The following NOL12 variants were observed in gnomAD, a reference collection of about 807,000 sequenced individuals.
NOL12 encodes the protein nucleolar protein 12.
In NOL12, 21 loss-of-function variants were observed where a neutral mutation model predicts 25.2. The observed-to-expected ratio is 0.83, with a 90% CI of 0.59 to 1.20. The LOEUF (loss-of-function observed/expected upper bound fraction) is 1.20, where lower values mean the gene tolerates loss of function less well. NOL12 is among the 50% of genes most tolerant of loss of function. NOL12 has a pLI of 0.00. For synonymous variants in NOL12, 133 were observed against 113.8 expected (o/e 1.17, Z -1.08); for missense variants, 286 against 287.6 (o/e 0.99, Z 0.04).
chr22:37,687,097 A>G lies in NOL12; in HGVS notation c.83+622A>G, dbSNP rs537131912. 2.1e-4 allele frequency: 211 copies of G among 985,390 alleles called. 1 individual carries two copies. The African/African-American group carries it at 3.4e-3, about 16-fold the overall frequency. 61.0% of individuals were successfully genotyped at this position (985,390 alleles called of 1,614,324 possible). On this transcript the variant is annotated intron_variant, in intron 1 of 5. Transcript: ENST00000359114. Reference sequence around the variant, plus strand: ...ATCAGGAAACTCCTAGCGTGCATCAACAGGCCCTACAGGCGAGTTTAGGGT... The same window carrying G: ...ATCAGGAAACTCCTAGCGTGCATCAGCAGGCCCTACAGGCGAGTTTAGGGT...
rs371218673 is a variant in NOL12 at position 37,686,399 on chromosome 22, C to G, written c.7C>G (p.Arg3Gly). 99 of 1,602,892 alleles carry G rather than the reference C, an allele frequency of 6.2e-5. No homozygotes were observed. Among genetic ancestry groups the G allele is most frequent in the Non-Finnish European group, 8.1e-5 (95 of 1,176,104 alleles). The part of the protein sequence containing the change: MG[R>G]NKKKKRDGDD... ...AGCCGGCGGCCTCACTGCTATGGGC[C>G]GCAACAAGAAGAAGAAGCGAGATGG... The change falls in exon 1 of 6, where the codon CGC becomes GGC. Residue 3 changes from arginine (R) to glycine (G), a missense_variant. Coordinates refer to ENST00000359114, the MANE Select transcript of NOL12 (RefSeq NM_024313.3).
At chr22:37,689,563 G>A (rs1241649740) in intron 4 of NOL12, among the ~76,000 whole-genome samples, 3 of 152,224 alleles carry the variant, frequency 2.0e-5, no homozygotes, top group African/African-American at 4.8e-5. Flanking sequence ...GAAAATATCC[G>A]AAAGTGTCAT....
At position 37,691,201 on chromosome 22, in the gene NOL12, T is replaced by C; in HGVS notation, c.507T>C (p.His169=). ...TCTCCTCCCTCACAGCATCACTACA[T>C]GCACACAGCCGCAAAAAGGTCAAGA... ...QRISSLTASL[H]AHSRKKVKRK... is the part of the protein sequence containing the mutation. Residue 169 remains histidine (H), a synonymous_variant, in exon 6 of 6, where the codon CAT becomes CAC. Transcript: ENST00000359114. 1.9e-6 allele frequency: 3 copies of C among 1,613,596 alleles called. No individual in the cohort carries two copies. The highest frequency in any genetic ancestry group is 1.3e-5 in the African/African-American group (1 of 75,006).
rs755774102 is a variant in NOL12, at chr22:37,691,179, C to T, written c.485C>T (p.Ser162Phe). ...GGCTTTCTGCCCTCCCCTAGGATCT[C>T]CTCCCTCACAGCATCACTACATGCA... is the stretch of plus-strand genomic sequence containing the variant. Reference protein sequence around the residue: ...SRDPLLSQRISSLTASLHAHS... With the variant: ...SRDPLLSQRIFSLTASLHAHS... The change falls in exon 6 of 6, where the codon TCC becomes TTC. Residue 162 changes from serine (S) to phenylalanine (F), a missense_variant. Ser to Phe is a radical substitution (Grantham distance 155). Transcript: ENST00000359114. The T allele has an allele frequency of 6.2e-7, 1 of 1,608,720 alleles. No individual in the cohort carries two copies. Among genetic ancestry groups the T allele is most frequent in the Non-Finnish European group, 8.5e-7 (1 of 1,176,780 alleles).
Position 37,688,907 on chromosome 22 carries a change from A to G in NOL12, c.296A>G (p.Asp99Gly). 2.5e-6 allele frequency: 4 copies of G among 1,613,824 alleles called. No homozygotes were observed. The highest frequency in any genetic ancestry group is 3.4e-6 in the Non-Finnish European group (4 of 1,179,962). Residue 99 changes from aspartate to glycine, a missense_variant, in exon 4 of 6, where the codon GAC becomes GGC. Physicochemically the swap from Asp to Gly is moderately conservative, Grantham distance 94. Coordinates refer to ENST00000359114, the MANE Select transcript of NOL12 (RefSeq NM_024313.3). ...GCAAAGACGGAGTCGGTGCAGTATG[A>G]CCACCCCAACCACACAGTCACCGTG... ...VTAKTESVQY[D>G]HPNHTVTVTT...
At position 37,690,811 on chromosome 22, in the gene NOL12, T is replaced by C; in HGVS notation, c.479+17T>C. The C allele has an allele frequency of 6.3e-7, 1 of 1,584,566 alleles. No individual in the cohort carries two copies. Reference sequence around the variant, plus strand: ...CTCTCAGCGGTGAGTCTTGGCCTGCTGCCTCCCCGGTCCCACCCCTCCTGG... The same window carrying C: ...CTCTCAGCGGTGAGTCTTGGCCTGCCGCCTCCCCGGTCCCACCCCTCCTGG... On this transcript the variant is annotated intron_variant, in intron 5 of 5. Coordinates refer to ENST00000359114, the MANE Select transcript of NOL12 (RefSeq NM_024313.3).
intron 4 of NOL12, among the ~76,000 whole-genome samples, chr22:37,690,140 C>G (rs767676501): frequency 6.6e-6 from 1 of 152,034 alleles, no homozygotes; most frequent in East Asian, 2.0e-4. Flanking sequence ...CATTGCACTC[C>G]AGCCTGGGCA....
In NOL12 at chr22:37,690,812, G is replaced by C. The variant is rs1206429090; in HGVS notation, c.479+18G>C. On this transcript the variant is annotated intron_variant, in intron 5 of 5. Coordinates refer to ENST00000359114, the MANE Select transcript of NOL12 (RefSeq NM_024313.3). ...TCTCAGCGGTGAGTCTTGGCCTGCT[G>C]CCTCCCCGGTCCCACCCCTCCTGGC... The C allele has an allele frequency of 1.3e-6, 2 of 1,578,894 alleles. No individual in the cohort carries two copies. The highest frequency in any genetic ancestry group is 1.7e-6 in the Non-Finnish European group (2 of 1,149,956).
intron 4 of NOL12, among the ~76,000 whole-genome samples, chr22:37,689,598 C>G (rs1030481848): frequency 4.6e-5 from 7 of 152,198 alleles, no homozygotes; most frequent in Non-Finnish European, 5.9e-5. Context: ...CATGAGACAG[C>G]TGTTTCCACT....
Position 37,692,615 on chromosome 22 carries a change from G to C in NOL12, c.*1279G>C. 1 of 398,822 alleles carries C rather than the reference G, an allele frequency of 2.5e-6. No individual in the cohort carries two copies. 24.7% of individuals were successfully genotyped at this position (398,822 alleles called of 1,614,324 possible). A position where few individuals can be genotyped will look rare whatever the true frequency, so the allele number is the denominator to read the frequency against. On this transcript the variant is annotated 3_prime_UTR_variant, in exon 6 of 6. Transcript: ENST00000359114. ...CTAGGACCACAAAGGGGAGTGAACT[G>C]TGTTCCCAGGGCTTGCTGACGCCCG...
Position 37,693,309 on chromosome 22 carries a change from C to G in NOL12, c.*1973C>G, listed in dbSNP as rs1922151627. The G allele has an allele frequency of 6.6e-6, 1 of 152,588 alleles. No homozygotes were observed. The highest frequency in any genetic ancestry group is 6.5e-5 in the Admixed American group (1 of 15,278). The allele number at this position is 152,588 out of a possible 1,614,324, so 9.5% of individuals were successfully genotyped here. A position where few individuals can be genotyped will look rare whatever the true frequency, so the allele number is the denominator to read the frequency against. On this transcript the variant is annotated 3_prime_UTR_variant, in exon 6 of 6. Coordinates refer to ENST00000359114, the MANE Select transcript of NOL12 (RefSeq NM_024313.3). ...TAAGACCATGTGCATGAACCACTTA[C>G]CAAAGTGCCTGTTGCTCTCCAGGTG... is the stretch of plus-strand genomic sequence containing the variant.
chr22:37,688,057 G>A (rs1321237318), intron 2 of NOL12, 42 bp downstream of exon 2: 1 of 1,493,398 alleles, frequency 6.7e-7, no homozygotes, highest in African/African-American at 1.4e-5. Flanking sequence ...TGATTCTTAG[G>A]GCACTTGCAG....
At chr22:37,687,120 G>A in intron 1 of NOL12, 9 of 984,084 alleles carry the variant, frequency 9.1e-6, no homozygotes, top group Non-Finnish European at 1.1e-5. Flanking sequence ...GCGAGTTTAG[G>A]GTCAGGTGTC....
rs766959397 is a variant in NOL12, at chr22:37,686,404, C to G, written c.12C>G (p.Asn4Lys). The G allele has an allele frequency of 1.2e-6, 2 of 1,604,608 alleles. No homozygotes were observed. Among genetic ancestry groups the G allele is most frequent in the Non-Finnish European group, 1.7e-6 (2 of 1,176,660 alleles). The part of the protein sequence containing the change: MGR[N>K]KKKKRDGDDR... Reference sequence around the variant, plus strand: ...GCGGCCTCACTGCTATGGGCCGCAACAAGAAGAAGAAGCGAGATGGTGACG... The same window carrying G: ...GCGGCCTCACTGCTATGGGCCGCAAGAAGAAGAAGAAGCGAGATGGTGACG... Residue 4 changes from asparagine to lysine, a missense_variant, in exon 1 of 6, where the codon AAC (asparagine) becomes AAG (lysine). Coordinates refer to ENST00000359114, the MANE Select transcript of NOL12 (RefSeq NM_024313.3).
chr22:37,688,457 A>C (rs1921919814), intron 3 of NOL12, 97 bp downstream of exon 3: 1 of 1,356,370 alleles, frequency 7.4e-7, no homozygotes, highest in African/African-American at 1.4e-5. Context: ...CCTTGGCCCT[A>C]GGGATCTTGG....
chr22:37,690,693 T>C lies in NOL12; in HGVS notation c.382-4T>C. 6.2e-7 allele frequency: 1 copy of C among 1,609,788 alleles called. No individual in the cohort carries two copies. The highest frequency in any genetic ancestry group is 1.3e-5 in the African/African-American group (1 of 74,920). ...ATGTAAGTCATTGTCTTGTGCCTCT[T>C]TAGGGAGGGGCTGGAGACAGGTCTG... On this transcript the variant is annotated splice_polypyrimidine_tract_variant and splice_region_variant and intron_variant, in intron 4 of 5. Transcript: ENST00000359114.
chr22:37,689,552 T>C (rs1386706024), intron 4 of NOL12, among the ~76,000 whole-genome samples: 3 of 152,178 alleles, frequency 2.0e-5, no homozygotes, highest in Non-Finnish European at 2.9e-5. Context: ...AAAATATAAT[T>C]GAAAATATCC....
At chr22:37,689,091 A>G (rs972554843) in intron 4 of NOL12, 99 bp downstream of exon 4, 12 of 1,413,930 alleles carry the variant, frequency 8.5e-6, no homozygotes, top group South Asian at 1.2e-5. Context: ...TCCCACTGCC[A>G]GCCCTGGGAA....
rs1162092957 is a variant in NOL12, at chr22:37,693,436, T to A, written c.*2100T>A. ...GTCATTTACAACTTACATTTACAATTTATAGTGTTTACCAGTATTAAATTC... is the reference window on the plus strand; with the variant it reads ...GTCATTTACAACTTACATTTACAATATATAGTGTTTACCAGTATTAAATTC... On this transcript the variant is annotated 3_prime_UTR_variant, in exon 6 of 6. Coordinates refer to ENST00000359114, the MANE Select transcript of NOL12 (RefSeq NM_024313.3). 6.6e-6 allele frequency: 1 copy of A among 152,332 alleles called. No homozygotes were observed. Among genetic ancestry groups the A allele is most frequent in the Non-Finnish European group, 1.5e-5 (1 of 68,044 alleles). 9.4% of individuals were successfully genotyped at this position (152,332 alleles called of 1,614,324 possible).
Sources: gnomAD v4.1 joint callset for allele counts (sites outside exome capture counted in the v4.1 genomes callset) on GRCh38, gnomAD v4.1.1 for gene constraint, MANE v1.5 for transcripts, NCBI Gene and HGNC (gene_info 2026-07-23, HGNC 2026-07-21) for gene names.